TAFA2: variants seen among roughly 807,000 people sequenced by gnomAD.
TAFA2 encodes the protein TAFA chemokine like family member 2.
A neutral mutation model predicts 18.8 loss-of-function variants in TAFA2; 7 were observed. The ratio of observed to expected loss-of-function variants is 0.37; its 90% CI spans 0.21 to 0.70. The LOEUF (loss-of-function observed/expected upper bound fraction) is 0.70. TAFA2 is among the 30% of genes least tolerant of loss of function. The probability of loss-of-function intolerance (pLI) is 0.53; values close to 1 mark genes in which losing one functional copy is unlikely to be tolerated. For missense variants in TAFA2, 122 were observed against 158.1 expected (o/e 0.77, Z 1.23); for synonymous variants, 60 against 54.2 (o/e 1.11, Z -0.47).
At chr12:62,059,962 G>T (rs1473470384) in intron 1 of TAFA2, among the ~76,000 whole-genome samples, 1 of 151,934 alleles carries the variant, frequency 6.6e-6, no homozygotes, top group African/African-American at 2.4e-5. Context: ...AGTTTTTGAG[G>T]ATCTGTATTA....
At position 62,034,119 on chromosome 12, in the gene TAFA2, G is replaced by A. The variant is rs186885026; in HGVS notation, c.-2+157140C>T. ...AGAGATCATCACATCCAGTTAACAC[G>A]TAAATGGATATAATGGGTACATGAC... On this transcript the variant is annotated intron_variant, in intron 1 of 4. Coordinates refer to ENST00000416284, the MANE Select transcript of TAFA2 (RefSeq NM_178539.5). 3.9e-3 allele frequency among the ~76,000 whole-genome samples: 600 copies of A among 152,020 alleles called. 10 individuals are homozygous for A. Among genetic ancestry groups the A allele is most frequent in the East Asian group, 0.031 (160 of 5,180 alleles).
rs541625995 is a variant in TAFA2 at position 62,103,521 on chromosome 12, C to A, written c.-2+87738G>T. Among the ~76,000 whole-genome samples the A allele has an allele frequency of 5.9e-5, 9 of 152,214 alleles. No homozygotes were observed. The East Asian group carries it at 1.7e-3, about 29-fold the overall frequency. ...TACAGGGAGGCTGAGGCAGATGGAT[C>A]ACCTGAGGTCAGGAGTTCGAGACCA... On this transcript the variant is annotated intron_variant, in intron 1 of 4. Transcript: ENST00000416284.
At chr12:61,722,299 A>G (rs986336622) in intron 4 of TAFA2, among the ~76,000 whole-genome samples, 1 of 152,162 alleles carries the variant, frequency 6.6e-6, no homozygotes, top group African/African-American at 2.4e-5. Flanking sequence ...TTATTGAGTA[A>G]TTAGAACAGG....
chr12:61,990,881 G>A (rs1309694710), intron 1 of TAFA2, among the ~76,000 whole-genome samples: 1 of 152,160 alleles, frequency 6.6e-6, no homozygotes, highest in Non-Finnish European at 1.5e-5. Flanking sequence ...TATGCACAAT[G>A]AGAAAAGTAT....
chr12:61,804,930 A>G (rs1360714547), intron 2 of TAFA2, among the ~76,000 whole-genome samples: 2 of 152,102 alleles, frequency 1.3e-5, no homozygotes. Context: ...CACCTATACC[A>G]TTTCTATAGT....
chr12:62,041,974 A>T (rs1304894016), intron 1 of TAFA2, among the ~76,000 whole-genome samples: 1 of 152,132 alleles, frequency 6.6e-6, no homozygotes, highest in Non-Finnish European at 1.5e-5. Flanking sequence ...TTATTATGAA[A>T]TGCTTATTTT....
intron 4 of TAFA2, among the ~76,000 whole-genome samples, chr12:61,721,142 T>C (rs1869878038): frequency 6.6e-6 from 1 of 152,090 alleles, no homozygotes; most frequent in Admixed American, 6.6e-5. Context: ...GACACACACC[T>C]TTAAATGGGA....
At chr12:62,015,097 T>TA (rs1380309799) in intron 1 of TAFA2, among the ~76,000 whole-genome samples, 1 of 152,232 alleles carries the variant, frequency 6.6e-6, no homozygotes, top group East Asian at 1.9e-4. Flanking sequence ...TATGAAAAGT[T>TA]ACTATGTCTC....
At chr12:62,091,796 A>G (rs1044441403) in intron 1 of TAFA2, among the ~76,000 whole-genome samples, 2 of 152,026 alleles carry the variant, frequency 1.3e-5, no homozygotes, top group African/African-American at 4.8e-5. Context: ...ACTGTTTCAT[A>G]ACTGTCTCAT....
intron 4 of TAFA2, among the ~76,000 whole-genome samples, chr12:61,738,330 A>ACACACAC (rs1565756844): frequency 2.4e-4 from 9 of 37,326 alleles, no homozygotes; most frequent in African/African-American, 5.5e-4. Context: ...CACACACACA[A>ACACACAC]ACCTAGCTCA....
intron 1 of TAFA2, among the ~76,000 whole-genome samples, chr12:62,115,620 T>C (rs1404195841): frequency 6.6e-6 from 1 of 152,238 alleles, no homozygotes; most frequent in South Asian, 2.1e-4. Flanking sequence ...TAAAGATGTA[T>C]CCCCTCCCAA....
chr12:62,154,910 A>T (rs1345966511), intron 1 of TAFA2, among the ~76,000 whole-genome samples: 1 of 152,084 alleles, frequency 6.6e-6, no homozygotes, highest in Non-Finnish European at 1.5e-5. Context: ...CACTCTCAGC[A>T]CTCCTCTTCA....
intron 1 of TAFA2, among the ~76,000 whole-genome samples, chr12:62,031,368 A>G (rs1219205921): frequency 6.6e-6 from 1 of 152,056 alleles, no homozygotes; most frequent in Non-Finnish European, 1.5e-5. Flanking sequence ...CCTGGAACAT[A>G]AGACTCCAAG....
intron 2 of TAFA2, among the ~76,000 whole-genome samples, chr12:61,792,572 A>T (rs1425149208): frequency 4.6e-5 from 7 of 151,604 alleles, no homozygotes; most frequent in Admixed American, 4.6e-4. Context: ...ATGAAGACAC[A>T]AATAGGTTAA....
chr12:62,227,502 T>TTC (rs1193332551), intron 1 of TAFA2, among the ~76,000 whole-genome samples: 1 of 152,244 alleles, frequency 6.6e-6, no homozygotes, highest in Non-Finnish European at 1.5e-5. Context: ...TGAGCTGAGT[T>TTC]TCTCATGCAT....
At chr12:61,748,104 C>T (rs1868819473) in intron 4 of TAFA2, among the ~76,000 whole-genome samples, 1 of 148,974 alleles carries the variant, frequency 6.7e-6, no homozygotes, top group African/African-American at 2.5e-5. Flanking sequence ...GTGATAACAG[C>T]AATTTATGAG....
chr12:62,131,399 T>C (rs962949498), intron 1 of TAFA2, among the ~76,000 whole-genome samples: 1 of 152,052 alleles, frequency 6.6e-6, no homozygotes, highest in Non-Finnish European at 1.5e-5. Flanking sequence ...AGCGGGTTGC[T>C]ATGTATAATC....
chr12:62,215,658 T>C (rs949611015), intron 1 of TAFA2, among the ~76,000 whole-genome samples: 2 of 148,706 alleles, frequency 1.3e-5, no homozygotes, highest in Non-Finnish European at 1.5e-5. Flanking sequence ...AGGAAGAACT[T>C]GTTTTTCTTG....
intron 1 of TAFA2, among the ~76,000 whole-genome samples, chr12:61,913,983 G>C (rs950884013): frequency 7.2e-5 from 11 of 152,152 alleles, no homozygotes; most frequent in African/African-American, 2.7e-4. Flanking sequence ...TTGTGATAAA[G>C]TAACAGAAAC....
Sources: allele counts gnomAD v4.1 joint callset (sites outside exome capture counted in the v4.1 genomes callset), GRCh38; gene constraint gnomAD v4.1.1; transcripts MANE v1.5; gene names NCBI Gene and HGNC (gene_info 2026-07-23, HGNC 2026-07-21).